LHFPL3: variants seen among roughly 807,000 people sequenced by gnomAD.
The protein encoded by LHFPL3 is LHFPL tetraspan subfamily member 3, also known as LHFPL tetraspan subfamily member 3 protein.
In LHFPL3, 5 loss-of-function variants were observed where a neutral mutation model predicts 19.3. The observed-to-expected ratio is 0.26, with a 90% CI of 0.14 to 0.54. LHFPL3 has a LOEUF of 0.54. Ranked by LOEUF, LHFPL3 falls within the 20% of genes least tolerant of loss-of-function variation. The pLI is 0.94. For synonymous variants in LHFPL3, 133 were observed against 126.2 expected (o/e 1.05, Z -0.36); for missense variants, 249 against 307.4 (o/e 0.81, Z 1.42).
chr7:104,735,591 C>T (rs565995521), intron 1 of LHFPL3, among the ~76,000 whole-genome samples: 8 of 152,232 alleles, frequency 5.3e-5, no homozygotes, highest in Non-Finnish European at 1.2e-4. Flanking sequence ...ATGAGAGTGA[C>T]CCGATTTTCC....
At chr7:104,343,917 T>C (rs925974920) in intron 1 of LHFPL3, among the ~76,000 whole-genome samples, 4 of 152,180 alleles carry the variant, frequency 2.6e-5, no homozygotes, top group Admixed American at 6.5e-5. Flanking sequence ...GGGTAGCATA[T>C]TGTTTAATTT....
chr7:104,467,627 C>T (rs1285427231), intron 1 of LHFPL3, among the ~76,000 whole-genome samples: 1 of 152,200 alleles, frequency 6.6e-6, no homozygotes, highest in Non-Finnish European at 1.5e-5. Context: ...ATTTGGCAGA[C>T]TGCATATAGA....
chr7:104,877,822 A>G (rs1331461912), intron 2 of LHFPL3, among the ~76,000 whole-genome samples: 1 of 147,114 alleles, frequency 6.8e-6, no homozygotes. Context: ...ACTTGTATGG[A>G]AATGTTTATA....
intron 1 of LHFPL3, among the ~76,000 whole-genome samples, chr7:104,460,018 C>T (rs754724206): frequency 4.6e-5 from 7 of 152,136 alleles, no homozygotes; most frequent in Non-Finnish European, 7.3e-5. Context: ...TTACCCTCCA[C>T]CCTCAAGTAG....
intron 1 of LHFPL3, among the ~76,000 whole-genome samples, chr7:104,376,811 A>G (rs1276927764): frequency 6.6e-6 from 1 of 152,174 alleles, no homozygotes. Flanking sequence ...CAGTCATTTT[A>G]CCAATAATAT....
At chr7:104,524,080 G>A (rs1794135419) in intron 1 of LHFPL3, among the ~76,000 whole-genome samples, 1 of 152,104 alleles carries the variant, frequency 6.6e-6, no homozygotes, top group South Asian at 2.1e-4. Context: ...CTACACTCCA[G>A]CAGTATTATA....
intron 1 of LHFPL3, among the ~76,000 whole-genome samples, chr7:104,610,074 G>T (rs80219710): frequency 0.033 from 4,979 of 152,052 alleles, 282 homozygotes; most frequent in African/African-American, 0.11. Context: ...ATGTTAGCTG[G>T]TCCTCAATCT....
intron 1 of LHFPL3, among the ~76,000 whole-genome samples, chr7:104,683,393 T>C (rs1792748051): frequency 6.6e-6 from 1 of 152,218 alleles, no homozygotes; most frequent in Non-Finnish European, 1.5e-5. Context: ...ATTTGATGGA[T>C]CTCTATTACT....
intron 2 of LHFPL3, among the ~76,000 whole-genome samples, chr7:104,870,831 G>T (rs1791820818): frequency 6.6e-6 from 1 of 152,106 alleles, no homozygotes; most frequent in Non-Finnish European, 1.5e-5. Context: ...CCCAAAATCT[G>T]CCAGAGTAAA....
intron 1 of LHFPL3, among the ~76,000 whole-genome samples, chr7:104,475,137 A>G (rs1227528067): frequency 6.6e-6 from 1 of 152,238 alleles, no homozygotes; most frequent in Non-Finnish European, 1.5e-5. Flanking sequence ...CTATTCATTT[A>G]CTAAGTTCTT....
intron 1 of LHFPL3, among the ~76,000 whole-genome samples, chr7:104,358,894 G>A (rs1162836291): frequency 6.6e-6 from 1 of 152,224 alleles, no homozygotes; most frequent in Admixed American, 6.5e-5. Flanking sequence ...TTGCTCGATG[G>A]ATGTCAGCAT....
At chr7:104,395,703 C>T (rs940513867) in intron 1 of LHFPL3, among the ~76,000 whole-genome samples, 1 of 152,082 alleles carries the variant, frequency 6.6e-6, no homozygotes. Flanking sequence ...CTGCTCTGTC[C>T]CAAACATTCA....
At chr7:104,524,018 TTAATA>T (rs556609715) in intron 1 of LHFPL3, among the ~76,000 whole-genome samples, 126 of 152,348 alleles carry the variant, frequency 8.3e-4, no homozygotes, top group African/African-American at 2.6e-3. Context: ...TTTATATCAA[TTAATA>T]TAATAGAATC....
At chr7:104,524,961 G>A (rs1427145472) in intron 1 of LHFPL3, among the ~76,000 whole-genome samples, 1 of 152,142 alleles carries the variant, frequency 6.6e-6, no homozygotes, top group Non-Finnish European at 1.5e-5. Flanking sequence ...TATTTCTGTT[G>A]TAATGTTGGC....
At chr7:104,848,908 T>G (rs6466027) in intron 2 of LHFPL3, among the ~76,000 whole-genome samples, 8,579 of 151,108 alleles carry the variant, frequency 0.057, 699 homozygotes, top group African/African-American at 0.18. Flanking sequence ...TGGTTTTTTT[T>G]TTGTTGTTGT....
At chr7:104,508,828 GT>G (rs35798872) in intron 1 of LHFPL3, among the ~76,000 whole-genome samples, 2 of 150,920 alleles carry the variant, frequency 1.3e-5, no homozygotes, top group African/African-American at 4.9e-5. Context: ...AAAGAGCTGT[GT>G]TTTTTTTAAA....
intron 2 of LHFPL3, among the ~76,000 whole-genome samples, chr7:104,808,387 G>A (rs943468523): frequency 6.6e-6 from 1 of 152,156 alleles, no homozygotes; most frequent in African/African-American, 2.4e-5. Context: ...TACATTGCCT[G>A]AGGTCATTCA....
intron 1 of LHFPL3, among the ~76,000 whole-genome samples, chr7:104,639,192 T>C (rs543259709): frequency 1.3e-5 from 2 of 152,322 alleles, no homozygotes; most frequent in East Asian, 3.9e-4. Flanking sequence ...TGGCTGTGAA[T>C]CCACCTGGTC....
intron 1 of LHFPL3, among the ~76,000 whole-genome samples, chr7:104,624,697 A>G (rs1791511396): frequency 6.6e-6 from 1 of 152,234 alleles, no homozygotes. Flanking sequence ...AGAAGGAGGA[A>G]GAGTAATTTT....
Sources: allele counts gnomAD v4.1 joint callset (sites outside exome capture counted in the v4.1 genomes callset), GRCh38; gene constraint gnomAD v4.1.1; transcripts MANE v1.5; gene names NCBI Gene and HGNC (gene_info 2026-07-23, HGNC 2026-07-21).